The following TMTC2 variants were observed in gnomAD, a reference collection of about 807,000 sequenced individuals.
TMTC2 encodes the protein transmembrane O-mannosyltransferase targeting cadherins 2.
In TMTC2, 43 loss-of-function variants were observed where a neutral mutation model predicts 82.4. That is an observed-to-expected ratio of 0.52 (90% CI 0.41 to 0.67). The LOEUF is 0.67. Ranked by LOEUF, TMTC2 falls within the 30% of genes least tolerant of loss-of-function variation. The pLI, the probability that TMTC2 is intolerant of heterozygous loss-of-function variation, is 0.00. For missense variants in TMTC2, 919 were observed against 1,012.4 expected, an observed-to-expected ratio of 0.91 and a Z score of 1.25; for synonymous variants, 408 against 381.9, an observed-to-expected ratio of 1.07 and a Z score of -0.80.
chr12:82,822,662 G>C (rs1237976394), intron 1 of TMTC2, among the ~76,000 whole-genome samples: 1 of 152,156 alleles, frequency 6.6e-6, no homozygotes, highest in Non-Finnish European at 1.5e-5. Flanking sequence ...TATTCTTTTA[G>C]TGATTTTGTG....
chr12:82,765,807 AAAAAGAAAAGAAG>A (rs1876926168), intron 1 of TMTC2, among the ~76,000 whole-genome samples: 1 of 152,214 alleles, frequency 6.6e-6, no homozygotes, highest in Admixed American at 6.5e-5. Context: ...TATTTGTCAG[AAAAAGAAAAGAAG>A]AAAAGGAATG....
At chr12:82,733,606 A>G (rs537906248) in intron 1 of TMTC2, among the ~76,000 whole-genome samples, 5 of 152,316 alleles carry the variant, frequency 3.3e-5, no homozygotes, top group African/African-American at 1.2e-4. Flanking sequence ...TTTGTAGAAG[A>G]CAGAATTAGT....
chr12:82,896,772 C>T, intron 3 of TMTC2, 126 bp downstream of exon 3: 1 of 666,006 alleles, frequency 1.5e-6, no homozygotes, highest in African/African-American at 1.8e-5. Flanking sequence ...CTGTATCTTT[C>T]ATTCTTTTTA....
At chr12:82,721,638 G>C (rs948410238) in intron 1 of TMTC2, among the ~76,000 whole-genome samples, 2 of 152,048 alleles carry the variant, frequency 1.3e-5, no homozygotes, top group African/African-American at 4.8e-5. Flanking sequence ...GACTAATTTA[G>C]CAAACTCCTT....
At chr12:82,851,776 A>G (rs1382370746) in intron 1 of TMTC2, among the ~76,000 whole-genome samples, 1 of 152,110 alleles carries the variant, frequency 6.6e-6, no homozygotes, top group East Asian at 1.9e-4. Flanking sequence ...CTTACTTTCA[A>G]GTAGAACAAT....
chr12:83,035,613 G>A (rs1881631588), intron 9 of TMTC2, among the ~76,000 whole-genome samples: 1 of 152,090 alleles, frequency 6.6e-6, no homozygotes, highest in Non-Finnish European at 1.5e-5. Context: ...TTTGTATGTT[G>A]TCAAGTATTC....
chr12:82,830,716 G>T, intron 1 of TMTC2, among the ~76,000 whole-genome samples: 1 of 152,064 alleles, frequency 6.6e-6, no homozygotes, highest in East Asian at 1.9e-4. Flanking sequence ...CAGGGCAATG[G>T]ATTATGGAAT....
chr12:82,811,804 CTTCTTTTTTTTT>C (rs1272963585), intron 1 of TMTC2, among the ~76,000 whole-genome samples: 1 of 136,206 alleles, frequency 7.3e-6, no homozygotes, highest in Non-Finnish European at 1.6e-5. Flanking sequence ...CCATGCTCTC[CTTCTTTTTTTTT>C]TTTTTTTTTT....
In TMTC2 at chr12:82,896,488, T is replaced by C; in HGVS notation, c.1325T>C (p.Leu442Pro). 6.2e-7 allele frequency: 1 copy of C among 1,614,184 alleles called. No homozygotes were observed. Among genetic ancestry groups the C allele is most frequent in the Non-Finnish European group, 8.5e-7 (1 of 1,180,026 alleles). Residue 442 changes from leucine (L) to proline (P), a missense_variant, in exon 3 of 12, where the codon CTT (leucine) becomes CCT (proline). Transcript: ENST00000321196. Reference sequence around the variant, plus strand: ...CTGATTACAGTGGGTGCTAGAGCCCTTTATGTCAAAGTCCAAAAGCGGTTC... The same window carrying C: ...CTGATTACAGTGGGTGCTAGAGCCCCTTATGTCAAAGTCCAAAAGCGGTTC... ...CLLITVGARA[L>P]YVKVQKRFLK... is the part of the protein sequence containing the mutation.
chr12:83,110,457 T>C (rs1196777442), intron 11 of TMTC2, among the ~76,000 whole-genome samples: 6 of 152,160 alleles, frequency 3.9e-5, no homozygotes, highest in African/African-American at 1.4e-4. Flanking sequence ...TATAGATTTC[T>C]CTCCTTCTCT....
chr12:83,060,396 A>G (rs1429943727), intron 10 of TMTC2, among the ~76,000 whole-genome samples: 1 of 151,726 alleles, frequency 6.6e-6, no homozygotes, highest in Admixed American at 6.6e-5. Context: ...TTTTATAGAT[A>G]TGGCTAGTTA....
Position 82,908,763 on chromosome 12 carries a change from CA to C in TMTC2, c.1483+12121del, listed in dbSNP as rs916168377. On this transcript the variant is annotated intron_variant, in intron 3 of 11. Coordinates refer to ENST00000321196, the MANE Select transcript of TMTC2 (RefSeq NM_152588.3). Reference sequence around the variant, plus strand: ...TTCTATATTAGGTAGAATTTACCTGCAAAACTAGCTAGGCATAATGTTTTGG... The same window carrying C: ...TTCTATATTAGGTAGAATTTACCTGCAAACTAGCTAGGCATAATGTTTTGG... 1.1e-3 allele frequency among the ~76,000 whole-genome samples: 172 copies of C among 152,144 alleles called. 1 individual carries two copies. Among genetic ancestry groups the C allele is most frequent in the African/African-American group, 3.8e-3 (157 of 41,522 alleles).
At chr12:83,028,708 G>A (rs1403495078) in intron 8 of TMTC2, among the ~76,000 whole-genome samples, 2 of 152,078 alleles carry the variant, frequency 1.3e-5, no homozygotes, top group African/African-American at 2.4e-5. Flanking sequence ...TGTGGGAGCT[G>A]TTCTGCTTCC....
At chr12:83,014,617 G>A (rs188145477) in intron 8 of TMTC2, among the ~76,000 whole-genome samples, 15 of 152,270 alleles carry the variant, frequency 9.9e-5, no homozygotes, top group African/African-American at 3.4e-4. Flanking sequence ...GGGATTACAG[G>A]CATGAGCCAG....
intron 7 of TMTC2, among the ~76,000 whole-genome samples, chr12:82,970,397 T>C (rs888336286): frequency 6.6e-6 from 1 of 152,214 alleles, no homozygotes; most frequent in African/African-American, 2.4e-5. Context: ...AGTGGCGCAA[T>C]CTCGCCTCAC....
At chr12:83,098,284 TA>T (rs1370663199) in intron 11 of TMTC2, among the ~76,000 whole-genome samples, 1 of 152,244 alleles carries the variant, frequency 6.6e-6, no homozygotes, top group Non-Finnish European at 1.5e-5. Context: ...GCAGCTATGC[TA>T]GTAATCTATT....
chr12:83,017,887 A>G (rs1433610073), intron 8 of TMTC2, among the ~76,000 whole-genome samples: 2 of 151,650 alleles, frequency 1.3e-5, no homozygotes, highest in Non-Finnish European at 2.9e-5. Flanking sequence ...GAACCGGACT[A>G]GAACTTAGGT....
At position 83,133,169 on chromosome 12, in the gene TMTC2, C is replaced by T. The variant is rs909753024; in HGVS notation, c.*780C>T. 1.3e-5 allele frequency: 2 copies of T among 152,210 alleles called. No homozygotes were observed. Among genetic ancestry groups the T allele is most frequent in the Middle Eastern group, 3.4e-3 (1 of 294 alleles). The allele number at this position is 152,210 out of a possible 1,614,324, so 9.4% of individuals were successfully genotyped here. Reference sequence around the variant, plus strand: ...TCGTCAATATTTTCCCCCAAACTGCCCAGTAGAATTCATTGTATTAATTCT... The same window carrying T: ...TCGTCAATATTTTCCCCCAAACTGCTCAGTAGAATTCATTGTATTAATTCT... On this transcript the variant is annotated 3_prime_UTR_variant, in exon 12 of 12. Transcript: ENST00000321196.
intron 1 of TMTC2, among the ~76,000 whole-genome samples, chr12:82,847,989 T>C (rs1448832308): frequency 6.6e-6 from 1 of 152,124 alleles, no homozygotes; most frequent in Non-Finnish European, 1.5e-5. Flanking sequence ...ACATATTGAG[T>C]ACTATGTATG....
Sources: allele counts gnomAD v4.1 joint callset (sites outside exome capture counted in the v4.1 genomes callset), GRCh38; gene constraint gnomAD v4.1.1; transcripts MANE v1.5; gene names NCBI Gene and HGNC (gene_info 2026-07-23, HGNC 2026-07-21).